DNM3: variants seen among roughly 807,000 people sequenced by gnomAD.
The protein encoded by DNM3 is dynamin-3.
Under a neutral mutation model 101.6 loss-of-function variants are expected in DNM3, and 47 were observed. The ratio of observed to expected loss-of-function variants is 0.46; its 90% CI spans 0.37 to 0.59. DNM3 has a LOEUF of 0.59. DNM3 is among the 20% of genes least tolerant of loss of function. DNM3 has a pLI of 0.00. For synonymous variants in DNM3, 385 were observed against 387.9 expected (o/e 0.99, Z 0.09); for missense variants, 849 against 1,085.7 (o/e 0.78, Z 3.06).
At chr1:171,914,500 G>C (rs139623462) in intron 1 of DNM3, among the ~76,000 whole-genome samples, 8 of 152,058 alleles carry the variant, frequency 5.3e-5, no homozygotes, top group Non-Finnish European at 1.0e-4. Flanking sequence ...AAAATATATT[G>C]GTTCTGGATT....
chr1:171,995,038 G>A (rs2045901298), intron 4 of DNM3, among the ~76,000 whole-genome samples: 1 of 151,606 alleles, frequency 6.6e-6, no homozygotes, highest in South Asian at 2.1e-4. Flanking sequence ...GATGAGAGGG[G>A]GATGGGCATA....
chr1:172,029,337 G>T, intron 4 of DNM3, among the ~76,000 whole-genome samples: 1 of 61,576 alleles, frequency 1.6e-5, no homozygotes, highest in South Asian at 4.4e-4. Context: ...GATGCAGAAA[G>T]GCCTACAAAA....
At chr1:171,935,702 G>A (rs531339077) in intron 2 of DNM3, among the ~76,000 whole-genome samples, 1 of 150,128 alleles carries the variant, frequency 6.7e-6, no homozygotes, top group African/African-American at 2.4e-5. Flanking sequence ...CATCATGATG[G>A]TAGCTAGAAA....
At chr1:171,885,113 G>A (rs2036643902) in intron 1 of DNM3, among the ~76,000 whole-genome samples, 1 of 152,100 alleles carries the variant, frequency 6.6e-6, no homozygotes, top group East Asian at 1.9e-4. Context: ...CAGGGCACAA[G>A]GAGGGCATTA....
intron 9 of DNM3, 43 bp from the exon 10 acceptor site, chr1:172,048,569 C>T: frequency 6.4e-7 from 1 of 1,559,772 alleles, no homozygotes; most frequent in Admixed American, 2.1e-5. Context: ...GAATATTACT[C>T]AATTAAAAAA....
At chr1:172,261,153 T>A (rs2062628403) in intron 15 of DNM3, among the ~76,000 whole-genome samples, 1 of 152,218 alleles carries the variant, frequency 6.6e-6, no homozygotes, top group Non-Finnish European at 1.5e-5. Flanking sequence ...GGATAATTAT[T>A]GTGTTCCTTT....
chr1:172,236,024 A>G (rs1381202927), intron 14 of DNM3, among the ~76,000 whole-genome samples: 1 of 152,160 alleles, frequency 6.6e-6, no homozygotes, highest in South Asian at 2.1e-4. Context: ...ATTGTTAGCT[A>G]TTGGGGCCAT....
chr1:172,379,032 G>C lies in DNM3; in HGVS notation c.1908G>C (p.Glu636Asp). Reference protein sequence around the residue: ...SVGNNKAENDENGQAENFSMD... With the variant: ...SVGNNKAENDDNGQAENFSMD... ...TCTTCTTTTAGGCTGAAAATGATGA[G>C]AATGGACAAGCAGAAAACTTTTCCA... The change falls in exon 18 of 21, where the codon GAG (glutamate) becomes GAC (aspartate). Residue 636 changes from glutamate to aspartate, a missense_variant. This residue lies in a region of DNM3 where 256 missense variants were observed against 311.7 expected (regional missense o/e 0.82). Coordinates refer to ENST00000627582, the MANE Select transcript of DNM3 (RefSeq NM_015569.5). 6.2e-7 allele frequency: 1 copy of C among 1,611,604 alleles called. No individual in the cohort carries two copies. The highest frequency in any genetic ancestry group is 8.5e-7 in the Non-Finnish European group (1 of 1,178,680).
chr1:172,407,989 C>CA lies in DNM3; in HGVS notation c.*149dup. On this transcript the variant is annotated 3_prime_UTR_variant, in exon 21 of 21. Coordinates refer to ENST00000627582, the MANE Select transcript of DNM3 (RefSeq NM_015569.5). ...TACTAATGCATTCATCGCTCATCTT[C>CA]ATTGCTCATGGTATGTCAAACCTTT... The CA allele has an allele frequency of 3.3e-6, 5 of 1,511,004 alleles. No homozygotes were observed. The highest frequency in any genetic ancestry group is 4.4e-6 in the Non-Finnish European group (5 of 1,129,282). The allele number at this position is 1,511,004 out of a possible 1,614,324, so 93.6% of individuals were successfully genotyped here.
intron 14 of DNM3, among the ~76,000 whole-genome samples, chr1:172,234,831 C>T (rs529194760): frequency 7.0e-4 from 106 of 152,280 alleles, no homozygotes; most frequent in African/African-American, 2.5e-3. Flanking sequence ...CTTCCTTACA[C>T]CTTATACAAA....
chr1:172,273,062 A>G (rs895306008), intron 15 of DNM3, among the ~76,000 whole-genome samples: 2 of 152,132 alleles, frequency 1.3e-5, no homozygotes, highest in African/African-American at 2.4e-5. Context: ...AAGTGGCATT[A>G]AAATGCTATT....
At chr1:172,089,526 G>A (rs1330229057) in intron 12 of DNM3, among the ~76,000 whole-genome samples, 1 of 152,196 alleles carries the variant, frequency 6.6e-6, no homozygotes, top group Non-Finnish European at 1.5e-5. Flanking sequence ...GAGAAAGAAT[G>A]TATTCTAAGC....
intron 1 of DNM3, among the ~76,000 whole-genome samples, chr1:171,887,684 C>G (rs117047944): frequency 6.6e-6 from 1 of 152,178 alleles, no homozygotes; most frequent in East Asian, 1.9e-4. Flanking sequence ...AAAAAAATCT[C>G]TGCTGTATTT....
chr1:171,982,692 T>G (rs886633655), intron 2 of DNM3, among the ~76,000 whole-genome samples: 4 of 151,850 alleles, frequency 2.6e-5, no homozygotes. Flanking sequence ...GTATAATGCA[T>G]TTTGTATTTA....
At chr1:172,386,913 T>C (rs1052830645) in intron 18 of DNM3, 2 of 499,058 alleles carry the variant, frequency 4.0e-6, no homozygotes, top group Non-Finnish European at 7.3e-6. Flanking sequence ...CATCCTTCAG[T>C]GTGGACAGCC....
chr1:172,175,798 C>G (rs1234051351), intron 14 of DNM3, among the ~76,000 whole-genome samples: 1 of 151,762 alleles, frequency 6.6e-6, no homozygotes, highest in Admixed American at 6.6e-5. Flanking sequence ...CTTGCTTTAT[C>G]ACATATTTGA....
intron 14 of DNM3, among the ~76,000 whole-genome samples, chr1:172,189,581 CA>C (rs1404148980): frequency 6.6e-6 from 1 of 151,948 alleles, no homozygotes; most frequent in African/African-American, 2.4e-5. Flanking sequence ...TTAGTAGAAG[CA>C]TATCTAAGTA....
At chr1:172,369,034 G>A (rs764010077) in intron 17 of DNM3, among the ~76,000 whole-genome samples, 3 of 151,834 alleles carry the variant, frequency 2.0e-5, no homozygotes, top group Non-Finnish European at 4.4e-5. Context: ...TGGCTTTGCT[G>A]CTGAATTCTA....
intron 1 of DNM3, among the ~76,000 whole-genome samples, chr1:171,861,832 A>G (rs1038234229): frequency 6.6e-6 from 1 of 152,172 alleles, no homozygotes; most frequent in African/African-American, 2.4e-5. Flanking sequence ...ATTTTTGCAA[A>G]TTATATATGT....
Sources: gnomAD v4.1 joint callset for allele counts (sites outside exome capture counted in the v4.1 genomes callset) on GRCh38, gnomAD v4.1.1 for gene constraint, gnomAD v4.1.1 regional missense constraint, MANE v1.5 for transcripts, NCBI Gene and HGNC (gene_info 2026-07-23, HGNC 2026-07-21) for gene names.